FIG4: variants seen among roughly 807,000 people sequenced by gnomAD.
The protein encoded by FIG4 is polyphosphoinositide phosphatase.
In FIG4, 112 loss-of-function variants were observed where a neutral mutation model predicts 118.6. The observed-to-expected ratio is 0.94, with a 90% CI of 0.81 to 1.11. The LOEUF is 1.11. Among genes scored for constraint, FIG4 ranks in the 50% least tolerant of loss-of-function variants. The pLI is 0.00. For missense variants in FIG4, 969 were observed against 1,111.7 expected, an observed-to-expected ratio of 0.87 and a Z score of 1.83; for synonymous variants, 369 against 381.2, an observed-to-expected ratio of 0.97 and a Z score of 0.37.
At chr6:109,726,962 C>G (rs6921615) in intron 3 of FIG4, 147 bp from the exon 4 acceptor site, 1 of 682,874 alleles carries the variant, frequency 1.5e-6, no homozygotes, top group East Asian at 2.7e-5. Context: ...AGAGAATAAT[C>G]CTAAGACACC....
intron 10 of FIG4, among the ~76,000 whole-genome samples, chr6:109,749,746 T>A (rs369783098): frequency 6.6e-6 from 1 of 152,152 alleles, no homozygotes; most frequent in East Asian, 1.9e-4. Flanking sequence ...CTATCATACA[T>A]GTGATCATAA....
chr6:109,798,007 C>T (rs182081910), intron 22 of FIG4, among the ~76,000 whole-genome samples: 89 of 151,754 alleles, frequency 5.9e-4, no homozygotes, highest in Middle Eastern at 3.4e-3. Context: ...TGTTCTCTTC[C>T]GTTTTCTTAG....
chr6:109,719,931 G>T (rs564016047), intron 3 of FIG4, among the ~76,000 whole-genome samples: 7 of 152,234 alleles, frequency 4.6e-5, no homozygotes, highest in Admixed American at 4.6e-4. Context: ...AACCAAGTTT[G>T]TAACCAGACG....
chr6:109,727,377 C>G (rs536319627), intron 4 of FIG4, 112 bp downstream of exon 4: 3 of 837,914 alleles, frequency 3.6e-6, no homozygotes, highest in African/African-American at 1.7e-5. Context: ...TAGCCTTGGC[C>G]TCCCAGGCTC....
chr6:109,773,532 C>T (rs1366842049), intron 15 of FIG4, among the ~76,000 whole-genome samples: 1 of 152,164 alleles, frequency 6.6e-6, no homozygotes, highest in Non-Finnish European at 1.5e-5. Flanking sequence ...CATCACTGTT[C>T]CCCAATCCCA....
chr6:109,795,215 C>G (rs1778252209), intron 21 of FIG4, among the ~76,000 whole-genome samples: 1 of 148,080 alleles, frequency 6.8e-6, no homozygotes, highest in African/African-American at 2.5e-5. Flanking sequence ...AGCTCCGCTT[C>G]CGGGGTTCAC....
At chr6:109,727,927 A>G (rs1775869764) in intron 4 of FIG4, among the ~76,000 whole-genome samples, 1 of 152,242 alleles carries the variant, frequency 6.6e-6, no homozygotes, top group Non-Finnish European at 1.5e-5. Flanking sequence ...CCAGATTTTT[A>G]AACAGACGTG....
chr6:109,775,533 A>T (rs1311046191), intron 15 of FIG4, among the ~76,000 whole-genome samples: 1 of 152,242 alleles, frequency 6.6e-6, no homozygotes, highest in South Asian at 2.1e-4. Flanking sequence ...TTGAGGTACT[A>T]CGTAGAATGA....
chr6:109,776,336 A>G (rs141185668), intron 15 of FIG4, among the ~76,000 whole-genome samples: 207 of 152,320 alleles, frequency 1.4e-3, no homozygotes, highest in African/African-American at 4.8e-3. Flanking sequence ...TTCATTTTCA[A>G]CCACAAAAGA....
chr6:109,724,788 C>T (rs1344613388), intron 3 of FIG4, among the ~76,000 whole-genome samples: 2 of 148,994 alleles, frequency 1.3e-5, no homozygotes, highest in African/African-American at 5.0e-5. Context: ...ATTTCCTCTT[C>T]ATTTTTATAA....
chr6:109,707,442 T>TATATATACACATATATACAC (rs1198712291), intron 1 of FIG4, among the ~76,000 whole-genome samples: 17 of 148,848 alleles, frequency 1.1e-4, no homozygotes, highest in African/African-American at 4.2e-4. Context: ...TATATATACA[T>TATATATACACATATATACAC]ATATATACAC....
At chr6:109,779,344 T>C (rs1777725371) in intron 16 of FIG4, among the ~76,000 whole-genome samples, 1 of 152,158 alleles carries the variant, frequency 6.6e-6, no homozygotes, top group African/African-American at 2.4e-5. Flanking sequence ...TCACCTTGAG[T>C]TACATCACAA....
At chr6:109,752,705 ATTTG>A (rs1403058265) in intron 10 of FIG4, among the ~76,000 whole-genome samples, 1 of 151,744 alleles carries the variant, frequency 6.6e-6, no homozygotes, top group African/African-American at 2.4e-5. Context: ...TTTCTTGTAA[ATTTG>A]TTTGAGTTCA....
chr6:109,721,695 G>A (rs993496842), intron 3 of FIG4, among the ~76,000 whole-genome samples: 2 of 152,142 alleles, frequency 1.3e-5, no homozygotes, highest in African/African-American at 4.8e-5. Context: ...TGAACAGGCT[G>A]ATTCTTGGTG....
At chr6:109,823,875 C>T (rs1779082024) in intron 22 of FIG4, among the ~76,000 whole-genome samples, 1 of 152,208 alleles carries the variant, frequency 6.6e-6, no homozygotes, top group African/African-American at 2.4e-5. Flanking sequence ...ACAGGGCCAG[C>T]CCTGAGCCAA....
At position 109,764,108 on chromosome 6, in the gene FIG4, G is replaced by C. The variant is rs547353647; in HGVS notation, c.1434+126G>C. On this transcript the variant is annotated intron_variant, in intron 13 of 22. Transcript: ENST00000230124. ...GCAGAATTATTATTTGAGAATGATT[G>C]TTAAAAGCCTTACTTCTAGTCTTTA... is the stretch of plus-strand genomic sequence containing the variant. 3 of 693,966 alleles carry C rather than the reference G, an allele frequency of 4.3e-6. No homozygotes were observed. The South Asian group carries it at 5.2e-5, about 12-fold the overall frequency. 43.0% of individuals were successfully genotyped at this position (693,966 alleles called of 1,614,324 possible). A position where few individuals can be genotyped will look rare whatever the true frequency, so the allele number is the denominator to read the frequency against.
At chr6:109,789,443 G>GAT in intron 18 of FIG4, 151 bp from the exon 19 acceptor site, 1 of 678,464 alleles carries the variant, frequency 1.5e-6, no homozygotes, top group East Asian at 2.8e-5. Context: ...TTAATTCATG[G>GAT]TTTTATGTCC....
At chr6:109,781,916 A>C (rs1777817735) in intron 16 of FIG4, among the ~76,000 whole-genome samples, 1 of 151,712 alleles carries the variant, frequency 6.6e-6, no homozygotes, top group African/African-American at 2.4e-5. Flanking sequence ...CTTTGATTGT[A>C]ATCATTTAAA....
At position 109,712,266 on chromosome 6, in the gene FIG4, G is replaced by C. The variant is rs544751342; in HGVS notation, c.67-2812G>C. On this transcript the variant is annotated intron_variant, in intron 1 of 22. Transcript: ENST00000230124. ...ATCTTCTAGTGAGTATCTGACTGGGGTTCTCTGCATTTCTTTAATTTGAAT... is the reference window on the plus strand; with the variant it reads ...ATCTTCTAGTGAGTATCTGACTGGGCTTCTCTGCATTTCTTTAATTTGAAT... Among the ~76,000 whole-genome samples, 58 of 152,240 alleles carry C rather than the reference G, an allele frequency of 3.8e-4. 1 individual carries two copies. The highest frequency in any genetic ancestry group is 6.8e-3 in the Middle Eastern group (2 of 294).
Sources: allele counts gnomAD v4.1 joint callset (sites outside exome capture counted in the v4.1 genomes callset), GRCh38; gene constraint gnomAD v4.1.1; transcripts MANE v1.5; gene names NCBI Gene and HGNC (gene_info 2026-07-23, HGNC 2026-07-21).